Variants in PBX3 observed in about 807,000 individuals in gnomAD.
PBX3 encodes the protein PBX homeobox 3.
A neutral mutation model predicts 48.5 loss-of-function variants in PBX3; 14 were observed. The observed-to-expected ratio is 0.29, with a 90% confidence interval of 0.19 to 0.45. The LOEUF (loss-of-function observed/expected upper bound fraction) is 0.45, where lower values mean the gene tolerates loss of function less well. Among genes scored for constraint, PBX3 ranks in the 20% least tolerant of loss-of-function variants. The pLI is 1.00. For synonymous variants in PBX3, 210 were observed against 200.3 expected, an observed-to-expected ratio of 1.05 and a Z score of -0.41; for missense variants, 386 against 546.7, an observed-to-expected ratio of 0.71 and a Z score of 2.93.
At chr9:125,792,181 A>G (rs1210393215) in intron 2 of PBX3, among the ~76,000 whole-genome samples, 1 of 152,214 alleles carries the variant, frequency 6.6e-6, no homozygotes, top group African/African-American at 2.4e-5. Flanking sequence ...AGGAGGGAGC[A>G]ACTAACTGCC....
intron 2 of PBX3, among the ~76,000 whole-genome samples, chr9:125,809,914 C>G (rs1173417762): frequency 6.6e-6 from 1 of 152,024 alleles, no homozygotes; most frequent in African/African-American, 2.4e-5. Flanking sequence ...GTTATTTTAC[C>G]AAACATGAAG....
At chr9:125,870,982 A>G (rs891370190) in intron 2 of PBX3, among the ~76,000 whole-genome samples, 1 of 152,224 alleles carries the variant, frequency 6.6e-6, no homozygotes, top group Non-Finnish European at 1.5e-5. Context: ...GAAGGCATGT[A>G]TACGTACATA....
At chr9:125,944,240 A>G (rs577036608) in intron 5 of PBX3, among the ~76,000 whole-genome samples, 1 of 152,314 alleles carries the variant, frequency 6.6e-6, no homozygotes, top group South Asian at 2.1e-4. Flanking sequence ...TTCTCTCCCA[A>G]TTCTTCTGTC....
At chr9:125,940,776 AAAAC>A (rs1297440129) in intron 5 of PBX3, among the ~76,000 whole-genome samples, 3 of 152,202 alleles carry the variant, frequency 2.0e-5, no homozygotes, top group Admixed American at 1.3e-4. Context: ...AAAAAATAGA[AAAAC>A]AAGAGAAATT....
chr9:125,783,386 C>G (rs56405924), intron 2 of PBX3, among the ~76,000 whole-genome samples: 5,900 of 152,090 alleles, frequency 0.039, 406 homozygotes, highest in African/African-American at 0.13. Context: ...CTCCTGGGTT[C>G]AAGTGATTCT....
chr9:125,776,781 C>T (rs1399720771), intron 2 of PBX3, among the ~76,000 whole-genome samples: 1 of 151,922 alleles, frequency 6.6e-6, no homozygotes, highest in Non-Finnish European at 1.5e-5. Flanking sequence ...TGCACTCAAG[C>T]AGTCTACCTG....
intron 5 of PBX3, among the ~76,000 whole-genome samples, chr9:125,944,031 G>A (rs898087297): frequency 2.6e-5 from 4 of 152,230 alleles, no homozygotes; most frequent in African/African-American, 9.6e-5. Flanking sequence ...GCCTCCTGGG[G>A]CCCATGACAG....
At chr9:125,787,544 C>T (rs1444546263) in intron 2 of PBX3, among the ~76,000 whole-genome samples, 1 of 152,136 alleles carries the variant, frequency 6.6e-6, no homozygotes, top group East Asian at 1.9e-4. Context: ...AGCAGGTTAA[C>T]ATCGACTACA....
intron 2 of PBX3, among the ~76,000 whole-genome samples, chr9:125,842,332 A>G (rs370698041): frequency 6.6e-6 from 1 of 152,156 alleles, no homozygotes; most frequent in Non-Finnish European, 1.5e-5. Context: ...TCTGGCTCTG[A>G]CACTCAATTT....
chr9:125,747,778 C>T, intron 1 of PBX3, 125 bp downstream of exon 1: 1 of 669,920 alleles, frequency 1.5e-6, no homozygotes, highest in Non-Finnish European at 2.3e-6. Context: ...TCTCCGAAAG[C>T]CGGCCGCCCG....
At chr9:125,899,441 G>GTATATATATA (rs369506959) in intron 2 of PBX3, among the ~76,000 whole-genome samples, 2 of 76,502 alleles carry the variant, frequency 2.6e-5, no homozygotes, top group South Asian at 4.4e-4. Flanking sequence ...ATATATGTGT[G>GTATATATATA]TATATATATA....
chr9:125,819,848 A>G (rs1037420856), intron 2 of PBX3, among the ~76,000 whole-genome samples: 1 of 152,234 alleles, frequency 6.6e-6, no homozygotes, highest in African/African-American at 2.4e-5. Context: ...ACAAAAGTTG[A>G]AAACAACTCT....
chr9:125,800,738 C>T (rs74412362), intron 2 of PBX3, among the ~76,000 whole-genome samples: 5,711 of 149,640 alleles, frequency 0.038, 386 homozygotes, highest in African/African-American at 0.13. Context: ...CTAATCTGAG[C>T]GCTTGGAATT....
chr9:125,773,848 A>C (rs1588132437), intron 2 of PBX3, among the ~76,000 whole-genome samples: 1 of 152,180 alleles, frequency 6.6e-6, no homozygotes, highest in African/African-American at 2.4e-5. Context: ...AGTTTTTTTC[A>C]TATTTAGGTA....
intron 2 of PBX3, among the ~76,000 whole-genome samples, chr9:125,837,867 G>A (rs1839182878): frequency 6.6e-6 from 1 of 152,150 alleles, no homozygotes; most frequent in Non-Finnish European, 1.5e-5. Flanking sequence ...TGGGATTACA[G>A]GCGTGAGCCA....
Position 125,915,867 on chromosome 9 carries a change from C to T in PBX3, c.456C>T (p.Tyr152=). Residue 152 remains tyrosine (Y), a synonymous_variant, in exon 3 of 9, where the codon TAC becomes TAT. Coordinates refer to ENST00000373489, the MANE Select transcript of PBX3 (RefSeq NM_006195.6). ...SSDNSIEHSD[Y]RAKLTQIRQI... is the part of the protein sequence containing the mutation. The stretch of plus-strand genomic sequence containing the variant: ...ATAACTCTATTGAACACTCAGATTA[C>T]AGAGCCAAATTGACCCAGATCAGAC... 1 of 1,614,106 alleles carries T rather than the reference C, an allele frequency of 6.2e-7. No homozygotes were observed.
chr9:125,853,374 T>C lies in PBX3; in HGVS notation c.275-62312T>C, dbSNP rs200500578. 7.6e-4 allele frequency among the ~76,000 whole-genome samples: 116 copies of C among 152,292 alleles called. 1 individual carries two copies. In the East Asian group the frequency reaches 0.019, roughly 26 times the overall value. ...AAAAATTAGTGTAAAAAACACATTT[T>C]TTTACTGGACTTCTCTGAGACTTGA... On this transcript the variant is annotated intron_variant, in intron 2 of 8. Transcript: ENST00000373489.
intron 2 of PBX3, among the ~76,000 whole-genome samples, chr9:125,827,634 A>G (rs1453222962): frequency 6.6e-6 from 1 of 152,114 alleles, no homozygotes; most frequent in African/African-American, 2.4e-5. Context: ...TTCAACATGT[A>G]CTGCATTGAT....
intron 2 of PBX3, among the ~76,000 whole-genome samples, chr9:125,806,606 C>A (rs183723247): frequency 5.8e-4 from 88 of 152,222 alleles, no homozygotes; most frequent in Admixed American, 1.0e-3. Context: ...TCATCACCTT[C>A]CAAAGCCTGT....
Sources: gnomAD v4.1 joint callset for allele counts (sites outside exome capture counted in the v4.1 genomes callset) on GRCh38, gnomAD v4.1.1 for gene constraint, MANE v1.5 for transcripts, NCBI Gene and HGNC (gene_info 2026-07-23, HGNC 2026-07-21) for gene names.